Variants in ASAP2 observed in about 807,000 individuals in gnomAD.
The protein encoded by ASAP2 is arf-GAP with SH3 domain, ANK repeat and PH domain-containing protein 2.
ASAP2 carries 45 observed loss-of-function variants against 131.4 expected under a neutral mutation model. That is an observed-to-expected ratio of 0.34 (90% CI 0.27 to 0.44). The LOEUF (loss-of-function observed/expected upper bound fraction) is 0.44, where lower values mean the gene tolerates loss of function less well. Ranked by LOEUF, ASAP2 falls within the 20% of genes least tolerant of loss-of-function variation. ASAP2 has a pLI of 1.00. For missense variants in ASAP2, 1,011 were observed against 1,297.0 expected (o/e 0.78, Z 3.39); for synonymous variants, 510 against 503.0 (o/e 1.01, Z -0.19).
chr2:9,215,988 C>A (rs2666205), intron 1 of ASAP2, among the ~76,000 whole-genome samples: 142,884 of 152,184 alleles, frequency 0.94, 67,191 homozygotes, highest in East Asian at 1. Context: ...CAGAGCTGCA[C>A]ATTGGACCTT....
intron 1 of ASAP2, among the ~76,000 whole-genome samples, chr2:9,223,607 G>A (rs1459935139): frequency 1.3e-5 from 2 of 152,194 alleles, no homozygotes; most frequent in South Asian, 2.1e-4. Flanking sequence ...CAGCCATAGG[G>A]CGTACATTAG....
chr2:9,251,123 G>T (rs1450418890), intron 1 of ASAP2, among the ~76,000 whole-genome samples: 2 of 152,230 alleles, frequency 1.3e-5, no homozygotes, highest in African/African-American at 4.8e-5. Context: ...AAGTGGACGG[G>T]AGTGGAGCGT....
chr2:9,401,517 G>C, intron 27 of ASAP2, 121 bp downstream of exon 27: 1 of 1,314,994 alleles, frequency 7.6e-7, no homozygotes, highest in Non-Finnish European at 1.0e-6. Flanking sequence ...TGTAGTTCCT[G>C]GTGCCTCCGC....
At chr2:9,387,076 G>T (rs901125867) in intron 21 of ASAP2, among the ~76,000 whole-genome samples, 12 of 126,020 alleles carry the variant, frequency 9.5e-5, no homozygotes, top group African/African-American at 5.1e-4. Context: ...CTTGGTGGTG[G>T]GTGGGGGGGC....
intron 1 of ASAP2, among the ~76,000 whole-genome samples, chr2:9,273,648 T>C (rs1558286605): frequency 6.6e-6 from 1 of 152,048 alleles, no homozygotes; most frequent in Non-Finnish European, 1.5e-5. Context: ...TGCTGATTGG[T>C]TGGGTCGGAG....
intron 3 of ASAP2, among the ~76,000 whole-genome samples, chr2:9,317,905 ACT>A (rs1221730553): frequency 5.9e-5 from 9 of 151,816 alleles, no homozygotes; most frequent in Non-Finnish European, 4.4e-5. Context: ...ATGTGCATTC[ACT>A]CTTATACTCA....
At chr2:9,363,238 A>G (rs186999889) in intron 15 of ASAP2, among the ~76,000 whole-genome samples, 1 of 152,320 alleles carries the variant, frequency 6.6e-6, no homozygotes, top group Admixed American at 6.5e-5. Context: ...ACTATTGTGA[A>G]TAGTGCTGCA....
intron 12 of ASAP2, among the ~76,000 whole-genome samples, chr2:9,355,193 C>G (rs1192680787): frequency 2.0e-5 from 3 of 152,122 alleles, no homozygotes; most frequent in Non-Finnish European, 1.5e-5. Context: ...CCAGTTTTCC[C>G]CCAAATGTCC....
intron 16 of ASAP2, among the ~76,000 whole-genome samples, chr2:9,372,023 A>G (rs538657454): frequency 1.6e-4 from 25 of 152,320 alleles, no homozygotes; most frequent in Middle Eastern, 3.4e-3. Flanking sequence ...ACCTGTGCCC[A>G]TGTTTGTGTA....
chr2:9,359,070 C>T (rs1050944645), intron 15 of ASAP2, among the ~76,000 whole-genome samples, 181 bp downstream of exon 15: 9 of 152,164 alleles, frequency 5.9e-5, no homozygotes, highest in African/African-American at 2.2e-4. Context: ...GAGGGCACTT[C>T]TTGTTGCAAA....
At chr2:9,398,602 G>GT (rs1676374720) in intron 24 of ASAP2, among the ~76,000 whole-genome samples, 1 of 152,128 alleles carries the variant, frequency 6.6e-6, no homozygotes, top group African/African-American at 2.4e-5. Flanking sequence ...GAGGTCAGGA[G>GT]TTTGAGACCA....
chr2:9,304,652 TGTA>T (rs1485010898), intron 3 of ASAP2, among the ~76,000 whole-genome samples: 1 of 147,514 alleles, frequency 6.8e-6, no homozygotes, highest in African/African-American at 2.5e-5. Flanking sequence ...GTGGAGGGGT[TGTA>T]GTATTGAGGT....
intron 12 of ASAP2, among the ~76,000 whole-genome samples, chr2:9,355,203 C>A (rs1672617527): frequency 6.6e-6 from 1 of 152,118 alleles, no homozygotes; most frequent in Non-Finnish European, 1.5e-5. Flanking sequence ...CCCAAATGTC[C>A]TTTTTTCTGT....
Position 9,281,458 on chromosome 2 carries a change from CT to C in ASAP2, c.199+2070del, listed in dbSNP as rs1211336897. The stretch of plus-strand genomic sequence containing the variant: ...GGCCTGCAGGAATTTAACAGCACCT[CT>C]GTCTAATTTGCCATGCTGACCTATA... On this transcript the variant is annotated intron_variant, in intron 2 of 27. Transcript: ENST00000281419. The surrounding 1 kb of genome is among the most constrained non-coding windows in gnomAD (Gnocchi z 4.0). Among the ~76,000 whole-genome samples, 1 of 152,214 alleles carries C rather than the reference CT, an allele frequency of 6.6e-6. No homozygotes were observed. Among genetic ancestry groups the C allele is most frequent in the Non-Finnish European group, 1.5e-5 (1 of 68,038 alleles).
Position 9,380,914 on chromosome 2 carries a change from G to T in ASAP2, c.2016+106G>T, listed in dbSNP as rs535237478. On this transcript the variant is annotated intron_variant, in intron 20 of 27. Coordinates refer to ENST00000281419, the MANE Select transcript of ASAP2 (RefSeq NM_003887.3). ...GCTGTGAACCAGTGTCCTGAGCAGAGCTCAGTGTTTCTGATGGGATGAGCC... is the reference window on the plus strand; with the variant it reads ...GCTGTGAACCAGTGTCCTGAGCAGATCTCAGTGTTTCTGATGGGATGAGCC... The T allele has an allele frequency of 7.3e-5, 89 of 1,223,726 alleles. No individual in the cohort carries two copies. In the Middle Eastern group the frequency reaches 7.6e-4, roughly 10 times the overall value. 75.8% of individuals were successfully genotyped at this position (1,223,726 alleles called of 1,614,324 possible). A position where few individuals can be genotyped will look rare whatever the true frequency, so the allele number is the denominator to read the frequency against.
intron 9 of ASAP2, among the ~76,000 whole-genome samples, chr2:9,341,269 G>A (rs535796195): frequency 1.3e-5 from 2 of 152,262 alleles, no homozygotes; most frequent in African/African-American, 2.4e-5. Flanking sequence ...CTATTGTTAC[G>A]GGGTCGCCTG....
chr2:9,247,214 A>C (rs1049434378), intron 1 of ASAP2, among the ~76,000 whole-genome samples: 3 of 152,162 alleles, frequency 2.0e-5, no homozygotes, highest in East Asian at 3.9e-4. Context: ...TTGACGGCAC[A>C]AGCTGCATGG....
chr2:9,317,822 CCT>C (rs1301613410), intron 3 of ASAP2, among the ~76,000 whole-genome samples: 10 of 145,956 alleles, frequency 6.9e-5, no homozygotes, highest in Admixed American at 2.0e-4. Flanking sequence ...ACAATCACAC[CCT>C]TAGTCCCTTA....
intron 21 of ASAP2, among the ~76,000 whole-genome samples, chr2:9,387,982 G>T (rs780813224): frequency 4.6e-5 from 7 of 152,166 alleles, no homozygotes; most frequent in Non-Finnish European, 1.0e-4. Context: ...AACAGCAGAG[G>T]GGAACCGCTG....
Sources: allele counts gnomAD v4.1 joint callset (sites outside exome capture counted in the v4.1 genomes callset), GRCh38; gene constraint gnomAD v4.1.1; non-coding constraint Gnocchi (gnomAD v3.1); transcripts MANE v1.5; gene names NCBI Gene and HGNC (gene_info 2026-07-23, HGNC 2026-07-21).